Variants in PALM2AKAP2 observed in about 807,000 individuals in gnomAD.
The protein encoded by PALM2AKAP2 is PALM2 and AKAP2 fusion.
A neutral mutation model predicts 71.5 loss-of-function variants in PALM2AKAP2; 37 were observed. The ratio of observed to expected loss-of-function variants is 0.52; its 90% CI spans 0.40 to 0.68. PALM2AKAP2 has a LOEUF of 0.68. Among genes scored for constraint, PALM2AKAP2 ranks in the 30% least tolerant of loss-of-function variants. PALM2AKAP2 has a pLI of 0.00. For synonymous variants in PALM2AKAP2, 468 were observed against 478.8 expected, an observed-to-expected ratio of 0.98 and a Z score of 0.29; for missense variants, 1,224 against 1,191.8, an observed-to-expected ratio of 1.03 and a Z score of -0.40.
At position 109,882,751 on chromosome 9, in the gene PALM2AKAP2, T is replaced by A. The variant is rs539883401; in HGVS notation, c.257+2070T>A. On this transcript the variant is annotated intron_variant, in intron 3 of 9. Transcript: ENST00000302798. ...TCAAACTTCTGGACTTAAGCTATCC[T>A]CCGACCTCAGCCTCTCAAATAGCTG... is the stretch of plus-strand genomic sequence containing the variant. Among the ~76,000 whole-genome samples the A allele has an allele frequency of 1.8e-3, 279 of 152,196 alleles. 3 individuals carry two copies. The highest frequency in any genetic ancestry group is 6.4e-3 in the African/African-American group (266 of 41,528).
chr9:109,852,080 A>C (rs1436133976), intron 1 of PALM2AKAP2, among the ~76,000 whole-genome samples: 2 of 152,172 alleles, frequency 1.3e-5, no homozygotes, highest in Non-Finnish European at 2.9e-5. Context: ...GCTTTTAAAA[A>C]AAAAATAATT....
At chr9:109,834,475 T>G (rs1828398186) in intron 1 of PALM2AKAP2, among the ~76,000 whole-genome samples, 1 of 152,220 alleles carries the variant, frequency 6.6e-6, no homozygotes, top group Non-Finnish European at 1.5e-5. Context: ...TGATGGCACT[T>G]CCCAATCATC....
At chr9:109,887,868 AC>A (rs1333757983) in intron 3 of PALM2AKAP2, among the ~76,000 whole-genome samples, 2 of 152,224 alleles carry the variant, frequency 1.3e-5, no homozygotes, top group African/African-American at 4.8e-5. Flanking sequence ...GAGTGAAATT[AC>A]ACTAACGTGC....
chr9:109,658,747 A>T (rs1451336604), intron 1 of PALM2AKAP2, among the ~76,000 whole-genome samples: 1 of 152,182 alleles, frequency 6.6e-6, no homozygotes, highest in Admixed American at 6.5e-5. Context: ...CCCTTGAAAA[A>T]CCATCAGTTC....
intron 1 of PALM2AKAP2, chr9:109,765,552 T>C (rs931033658): frequency 6.5e-6 from 1 of 153,570 alleles, no homozygotes; most frequent in Non-Finnish European, 1.4e-5. Flanking sequence ...GGCTGCATAG[T>C]AAAATCACCT....
intron 1 of PALM2AKAP2, among the ~76,000 whole-genome samples, chr9:110,132,511 G>A (rs892075004): frequency 6.6e-6 from 1 of 151,972 alleles, no homozygotes; most frequent in Non-Finnish European, 1.5e-5. Flanking sequence ...TGTATTTTTA[G>A]TGGAGACAGG....
At chr9:109,787,928 C>A (rs1269415754) in intron 1 of PALM2AKAP2, among the ~76,000 whole-genome samples, 1 of 152,154 alleles carries the variant, frequency 6.6e-6, no homozygotes, top group African/African-American at 2.4e-5. Context: ...GTGAAGTAAG[C>A]CTATCAGCAC....
At chr9:109,739,445 A>T (rs1224280280) in intron 1 of PALM2AKAP2, among the ~76,000 whole-genome samples, 1 of 152,214 alleles carries the variant, frequency 6.6e-6, no homozygotes, top group African/African-American at 2.4e-5. Context: ...TCCAAAGCTG[A>T]ACTATTCCTT....
At chr9:109,837,764 A>G (rs142262241) in intron 1 of PALM2AKAP2, among the ~76,000 whole-genome samples, 1,855 of 152,178 alleles carry the variant, frequency 0.012, 34 homozygotes, top group African/African-American at 0.041. Context: ...AACCAACAAA[A>G]ATCAAAAGAG....
At chr9:110,082,366 C>T (rs546453675) in intron 1 of PALM2AKAP2, among the ~76,000 whole-genome samples, 13 of 152,168 alleles carry the variant, frequency 8.5e-5, no homozygotes, top group Admixed American at 1.3e-4. Flanking sequence ...CAAGCAGTGG[C>T]GTCTTAACAT....
chr9:110,025,186 T>C, intron 7 of PALM2AKAP2: 1 of 1,375,436 alleles, frequency 7.3e-7, no homozygotes, highest in South Asian at 1.2e-5. Context: ...AGTTTTGCCA[T>C]GGTAACACTT....
At chr9:110,099,323 C>A (rs1171721714) in intron 1 of PALM2AKAP2, among the ~76,000 whole-genome samples, 1 of 152,232 alleles carries the variant, frequency 6.6e-6, no homozygotes, top group African/African-American at 2.4e-5. Flanking sequence ...CACATGCTTT[C>A]TTCTGGGATT....
chr9:109,915,935 A>G (rs1195010122), intron 3 of PALM2AKAP2, among the ~76,000 whole-genome samples: 1 of 151,992 alleles, frequency 6.6e-6, no homozygotes, highest in Non-Finnish European at 1.5e-5. Context: ...GGCAAAGGGA[A>G]AATATATTGG....
intron 1 of PALM2AKAP2, among the ~76,000 whole-genome samples, chr9:109,835,815 A>G (rs1479723760): frequency 1.3e-5 from 2 of 152,208 alleles, no homozygotes; most frequent in African/African-American, 2.4e-5. Context: ...ACTGCAAGGC[A>G]GCAGCAAGGC....
intron 2 of PALM2AKAP2, among the ~76,000 whole-genome samples, chr9:109,874,346 G>C (rs986427565): frequency 2.0e-5 from 3 of 152,192 alleles, no homozygotes; most frequent in African/African-American, 4.8e-5. Context: ...AAGGATTCTT[G>C]GGTGATCTTA....
intron 1 of PALM2AKAP2, among the ~76,000 whole-genome samples, chr9:110,091,459 C>CTTTT (rs66848294): frequency 0.02 from 1,703 of 83,586 alleles, 162 homozygotes; most frequent in Non-Finnish European, 0.024. Context: ...GAGATTTATT[C>CTTTT]TTTTTTTTTT....
intron 6 of PALM2AKAP2, chr9:109,944,097 C>G (rs1377950713): frequency 6.6e-6 from 1 of 152,556 alleles, no homozygotes; most frequent in Non-Finnish European, 1.5e-5. Flanking sequence ...CATAACCTGC[C>G]CATCAGCGGT....
In PALM2AKAP2 at chr9:110,014,819, T is replaced by A. The variant is rs1172627644; in HGVS notation, c.497-1135T>A. ...AAAAAAAAAAATGTATATATATATATATATATATATATATATATATATATA... is the reference window on the plus strand; with the variant it reads ...AAAAAAAAAAATGTATATATATATAAATATATATATATATATATATATATA... On this transcript the variant is annotated intron_variant, in intron 6 of 9. Coordinates refer to the PALM2AKAP2 transcript ENST00000302798. 7.6e-5 allele frequency among the ~76,000 whole-genome samples: 6 copies of A among 78,614 alleles called. 1 individual carries two copies. The highest frequency in any genetic ancestry group is 2.9e-4 in the African/African-American group (6 of 20,552). The allele number at this position is 78,614 out of a possible 152,430, so 51.6% of individuals were successfully genotyped here.
At chr9:109,884,415 T>C (rs1289842624) in intron 3 of PALM2AKAP2, among the ~76,000 whole-genome samples, 1 of 152,078 alleles carries the variant, frequency 6.6e-6, no homozygotes, top group African/African-American at 2.4e-5. Flanking sequence ...TGAGCTGAGA[T>C]CATGCCACTG....
Sources: allele counts gnomAD v4.1 joint callset (sites outside exome capture counted in the v4.1 genomes callset), GRCh38; gene constraint gnomAD v4.1.1; transcripts MANE v1.5; gene names NCBI Gene and HGNC (gene_info 2026-07-23, HGNC 2026-07-21).